MYO10: variants seen among roughly 807,000 people sequenced by gnomAD.
MYO10 encodes the protein unconventional myosin-X.
A neutral mutation model predicts 257.3 loss-of-function variants in MYO10; 133 were observed. The observed-to-expected ratio is 0.52, with a 90% CI of 0.45 to 0.60. The LOEUF (loss-of-function observed/expected upper bound fraction) is 0.60, where lower values mean the gene tolerates loss of function less well. Among genes scored for constraint, MYO10 ranks in the 20% least tolerant of loss-of-function variants. MYO10 has a pLI of 0.00. For missense variants in MYO10, 2,399 were observed against 2,635.7 expected, an observed-to-expected ratio of 0.91 and a Z score of 1.97; for synonymous variants, 1,104 against 1,028.6, an observed-to-expected ratio of 1.07 and a Z score of -1.40.
At chr5:16,691,810 TAAAC>T (rs1428584207) in intron 27 of MYO10, among the ~76,000 whole-genome samples, 1 of 152,130 alleles carries the variant, frequency 6.6e-6, no homozygotes, top group Non-Finnish European at 1.5e-5. Context: ...GAAGCACTCT[TAAAC>T]AGAAAGAAAA....
intron 27 of MYO10, among the ~76,000 whole-genome samples, chr5:16,690,418 C>T (rs1057204645): frequency 6.6e-6 from 1 of 152,154 alleles, no homozygotes; most frequent in Non-Finnish European, 1.5e-5. Flanking sequence ...GATGAAGACA[C>T]CCTCTAGGGG....
At chr5:16,902,209 C>T in intron 1 of MYO10, 1 of 645,388 alleles carries the variant, frequency 1.5e-6, no homozygotes, top group African/African-American at 1.8e-5. Flanking sequence ...CCAGGCCCGG[C>T]TAATTTTTTT....
rs755097906 is a variant in MYO10, at chr5:16,763,609, G to A, written c.1427+46C>T. ...ACATAGCTTCAAAACGAATCTAGTT[G>A]CTGCTTTAAAAAAAAAAATTGAAAT... On this transcript the variant is annotated intron_variant, in intron 13 of 40. Coordinates refer to ENST00000513610, the MANE Select transcript of MYO10 (RefSeq NM_012334.3). 12 of 1,575,462 alleles carry A rather than the reference G, an allele frequency of 7.6e-6. No individual in the cohort carries two copies. The African/African-American group carries it at 1.6e-4, about 21-fold the overall frequency.
At chr5:16,712,674 T>G (rs539995173) in intron 19 of MYO10, among the ~76,000 whole-genome samples, 63 of 152,364 alleles carry the variant, frequency 4.1e-4, no homozygotes, top group Middle Eastern at 3.4e-3. Context: ...GCTTTGCAAC[T>G]GTCCCTCACA....
At chr5:16,829,897 A>ACACACACGCACACG (rs1554000738) in intron 2 of MYO10, among the ~76,000 whole-genome samples, 106 of 148,860 alleles carry the variant, frequency 7.1e-4, no homozygotes, top group African/African-American at 2.4e-3. Flanking sequence ...ACACACACAC[A>ACACACACGCACACG]CACACGCACA....
At chr5:16,808,244 C>T (rs1742334651) in intron 3 of MYO10, among the ~76,000 whole-genome samples, 1 of 152,158 alleles carries the variant, frequency 6.6e-6, no homozygotes, top group Non-Finnish European at 1.5e-5. Flanking sequence ...GGGAGGATCG[C>T]TTGAGGCCAG....
intron 2 of MYO10, among the ~76,000 whole-genome samples, chr5:16,874,377 AGTC>A (rs2126759404): frequency 7.9e-6 from 1 of 126,692 alleles, no homozygotes; most frequent in African/African-American, 3.1e-5. Context: ...TCTATCACAT[AGTC>A]AGGCTGCAAA....
intron 27 of MYO10, among the ~76,000 whole-genome samples, chr5:16,692,672 G>A (rs1370692903): frequency 6.6e-6 from 1 of 152,060 alleles, no homozygotes; most frequent in African/African-American, 2.4e-5. Flanking sequence ...CTTGGCCATG[G>A]GTGGATAGCC....
chr5:16,686,676 C>T (rs929988434), intron 28 of MYO10, among the ~76,000 whole-genome samples: 1 of 151,834 alleles, frequency 6.6e-6, no homozygotes, highest in Non-Finnish European at 1.5e-5. Flanking sequence ...CTGGGACACA[C>T]CACCATGCCC....
chr5:16,835,199 A>C (rs1334735906), intron 2 of MYO10, among the ~76,000 whole-genome samples: 2 of 152,098 alleles, frequency 1.3e-5, no homozygotes, highest in Non-Finnish European at 2.9e-5. Context: ...GTGGGGAAGA[A>C]TTTAGAGATA....
At position 16,726,896 on chromosome 5, in the gene MYO10, C is replaced by A. The variant is rs529214466; in HGVS notation, c.1930-15651G>T. ...ATAAAGTTTTATTGGAACACAGCCA[C>A]ACATTGTCTGTGACCACTTCCACAA... On this transcript the variant is annotated intron_variant, in intron 19 of 40. Transcript: ENST00000513610. Among the ~76,000 whole-genome samples the A allele has an allele frequency of 3.5e-3, 538 of 152,318 alleles. 1 individual carries two copies. Among genetic ancestry groups the A allele is most frequent in the Non-Finnish European group, 4.8e-3 (328 of 68,030 alleles).
At position 16,665,646 on chromosome 5, in the gene MYO10, T is replaced by C. The variant is rs1481567810; in HGVS notation, c.*1046A>G. On this transcript the variant is annotated 3_prime_UTR_variant, in exon 41 of 41. Coordinates refer to ENST00000513610, the MANE Select transcript of MYO10 (RefSeq NM_012334.3). ...CAGCGTCTCTCCCCCATAGTCAACATGGTTATTATATCTGTAATCTATCCA... is the reference window on the plus strand; with the variant it reads ...CAGCGTCTCTCCCCCATAGTCAACACGGTTATTATATCTGTAATCTATCCA... The C allele has an allele frequency of 2.0e-5, 3 of 152,428 alleles. No individual in the cohort carries two copies. The highest frequency in any genetic ancestry group is 7.2e-5 in the African/African-American group (3 of 41,468). 9.4% of individuals were successfully genotyped at this position (152,428 alleles called of 1,614,324 possible). A position where few individuals can be genotyped will look rare whatever the true frequency, so the allele number is the denominator to read the frequency against.
chr5:16,681,805 G>A, intron 31 of MYO10, 66 bp downstream of exon 31: 4 of 1,509,694 alleles, frequency 2.6e-6, no homozygotes, highest in Non-Finnish European at 3.6e-6. Flanking sequence ...AAATGCTGCA[G>A]ATGTCTATAT....
Position 16,764,305 on chromosome 5 carries a change from T to A in MYO10, c.1271A>T (p.Asn424Ile), listed in dbSNP as rs749761977. 47 of 1,613,898 alleles carry A rather than the reference T, an allele frequency of 2.9e-5. No homozygotes were observed. Among genetic ancestry groups the A allele is most frequent in the Non-Finnish European group, 3.8e-5 (45 of 1,179,890 alleles). The change falls in exon 12 of 41, where the codon AAT (asparagine) becomes ATT (isoleucine). Residue 424 changes from asparagine to isoleucine, a missense_variant. Asn to Ile is a moderately radical substitution (Grantham distance 149). This residue lies in a region of MYO10 where 337 missense variants were observed against 446.8 expected (regional missense o/e 0.75). Transcript: ENST00000513610. The stretch of plus-strand genomic sequence containing the variant: ...GATGCCAATAGACTTGAAGTCCTCA[T>A]TGCCTTTGATCCTGCTGTTGATCTT... ...IKKINSRIKG[N>I]EDFKSIGILD...
chr5:16,685,578 AAACTC>A (rs1323444971), intron 29 of MYO10, among the ~76,000 whole-genome samples, 155 bp downstream of exon 29: 1 of 152,096 alleles, frequency 6.6e-6, no homozygotes, highest in Non-Finnish European at 1.5e-5. Context: ...TATTGATTCT[AAACTC>A]AAATGGTCCT....
At chr5:16,859,958 A>G (rs1383017114) in intron 2 of MYO10, among the ~76,000 whole-genome samples, 2 of 152,106 alleles carry the variant, frequency 1.3e-5, no homozygotes, top group African/African-American at 4.8e-5. Flanking sequence ...AAACATAAAT[A>G]TAACTTAACT....
At chr5:16,920,208 A>T (rs1395283674) in intron 1 of MYO10, among the ~76,000 whole-genome samples, 2 of 152,336 alleles carry the variant, frequency 1.3e-5, no homozygotes, top group East Asian at 3.9e-4. Context: ...CGGGAGGCAG[A>T]GACTGCAGTG....
rs148671498 is a variant in MYO10, at chr5:16,874,882, T to G, written c.120+2727A>C. Among the ~76,000 whole-genome samples, 347 of 152,096 alleles carry G rather than the reference T, an allele frequency of 2.3e-3. 2 individuals are homozygous for G. Among genetic ancestry groups the G allele is most frequent in the African/African-American group, 8.1e-3 (334 of 41,460 alleles). On this transcript the variant is annotated intron_variant, in intron 2 of 40. Coordinates refer to ENST00000513610, the MANE Select transcript of MYO10 (RefSeq NM_012334.3). ...TCCATTTTCACAACTGGGAAGAAAA[T>G]GAGGTTTAATTGGACTTACAGTTCC...
chr5:16,846,475 C>T (rs1241371195), intron 2 of MYO10, among the ~76,000 whole-genome samples: 5 of 152,200 alleles, frequency 3.3e-5, no homozygotes, highest in African/African-American at 4.8e-5. Context: ...AGAAATTCTC[C>T]CAGATTTTGG....
Sources: gnomAD v4.1 joint callset for allele counts (sites outside exome capture counted in the v4.1 genomes callset) on GRCh38, gnomAD v4.1.1 for gene constraint, gnomAD v4.1.1 regional missense constraint, MANE v1.5 for transcripts, NCBI Gene and HGNC (gene_info 2026-07-23, HGNC 2026-07-21) for gene names.